Variants in PRSS12 observed in about 807,000 individuals in gnomAD.
PRSS12 encodes the protein neurotrypsin.
In PRSS12, 85 loss-of-function variants were observed where a neutral mutation model predicts 104.4. The observed-to-expected ratio is 0.81, with a 90% confidence interval of 0.68 to 0.98. The LOEUF (loss-of-function observed/expected upper bound fraction) is 0.98. Ranked by LOEUF, PRSS12 falls within the 50% of genes least tolerant of loss-of-function variation. The pLI is 0.00. For missense variants in PRSS12, 1,141 were observed against 1,139.2 expected (o/e 1.00, Z -0.02); for synonymous variants, 454 against 425.2 (o/e 1.07, Z -0.83).
At chr4:118,334,912 T>G (rs1431656020) in intron 3 of PRSS12, among the ~76,000 whole-genome samples, 2 of 152,154 alleles carry the variant, frequency 1.3e-5, no homozygotes, top group Non-Finnish European at 2.9e-5. Flanking sequence ...TCTACTTCCA[T>G]GAATATAAAC....
chr4:118,343,973 A>C (rs984532850), intron 1 of PRSS12, among the ~76,000 whole-genome samples: 4 of 152,212 alleles, frequency 2.6e-5, no homozygotes, highest in African/African-American at 7.2e-5. Context: ...TTTTCACACA[A>C]ATCCTTTCTT....
chr4:118,349,881 T>C (rs1724449487), intron 1 of PRSS12, among the ~76,000 whole-genome samples: 1 of 152,080 alleles, frequency 6.6e-6, no homozygotes. Flanking sequence ...CAGGTGCCTG[T>C]AATCCCAGTT....
At chr4:118,286,768 A>G (rs1264565705) in intron 11 of PRSS12, among the ~76,000 whole-genome samples, 1 of 152,162 alleles carries the variant, frequency 6.6e-6, no homozygotes, top group African/African-American at 2.4e-5. Flanking sequence ...AAATGTTTCT[A>G]TTTCCTATAA....
At chr4:118,323,739 G>C (rs926462231) in intron 4 of PRSS12, among the ~76,000 whole-genome samples, 2 of 151,412 alleles carry the variant, frequency 1.3e-5, no homozygotes, top group Admixed American at 1.3e-4. Flanking sequence ...AAACCAATAG[G>C]CTGGAAGAAA....
intron 4 of PRSS12, among the ~76,000 whole-genome samples, chr4:118,325,806 T>C (rs1439515641): frequency 6.6e-6 from 1 of 151,782 alleles, no homozygotes; most frequent in East Asian, 1.9e-4. Flanking sequence ...TAGTGTTGTC[T>C]AGTTTTTTAC....
intron 11 of PRSS12, among the ~76,000 whole-genome samples, chr4:118,290,031 T>C (rs1425342159): frequency 6.6e-6 from 1 of 152,154 alleles, no homozygotes; most frequent in Non-Finnish European, 1.5e-5. Context: ...CTTAAATAAT[T>C]CACTATCTGG....
At chr4:118,303,231 A>G (rs1743445306) in intron 8 of PRSS12, 1 of 152,110 alleles carries the variant, frequency 6.6e-6, no homozygotes, top group Non-Finnish European at 1.5e-5. Context: ...TGAATTAATC[A>G]TGAAAATCAA....
intron 1 of PRSS12, among the ~76,000 whole-genome samples, chr4:118,349,105 T>A (rs1340329880): frequency 6.6e-6 from 1 of 152,136 alleles, no homozygotes; most frequent in Non-Finnish European, 1.5e-5. Context: ...TTGGCTTCAA[T>A]CAACTCTTCA....
chr4:118,336,354 A>G (rs1724065222), intron 2 of PRSS12, among the ~76,000 whole-genome samples: 1 of 151,414 alleles, frequency 6.6e-6, no homozygotes, highest in Admixed American at 6.6e-5. Context: ...TAATCCACAT[A>G]TTTTTGTAAG....
chr4:118,338,559 G>C (rs1724118938), intron 1 of PRSS12, among the ~76,000 whole-genome samples: 1 of 152,062 alleles, frequency 6.6e-6, no homozygotes, highest in Non-Finnish European at 1.5e-5. Flanking sequence ...TAGGCAAACA[G>C]ACAGTCCTAT....
chr4:118,285,665 A>C (rs558192549), intron 11 of PRSS12, among the ~76,000 whole-genome samples: 143 of 147,460 alleles, frequency 9.7e-4, no homozygotes, highest in Non-Finnish European at 1.8e-3. Flanking sequence ...CTTAGTATGA[A>C]AAAAAAACTA....
At chr4:118,343,776 C>G (rs1007934273) in intron 1 of PRSS12, among the ~76,000 whole-genome samples, 1 of 152,098 alleles carries the variant, frequency 6.6e-6, no homozygotes, top group African/African-American at 2.4e-5. Context: ...GCATGCCTGC[C>G]TATTTAGTTA....
At chr4:118,341,380 A>G (rs916716755) in intron 1 of PRSS12, among the ~76,000 whole-genome samples, 1 of 152,150 alleles carries the variant, frequency 6.6e-6, no homozygotes, top group Admixed American at 6.5e-5. Context: ...GGTGGTCCAG[A>G]TCTTAAAAAC....
At chr4:118,282,548 T>C (rs1273043834) in intron 12 of PRSS12, among the ~76,000 whole-genome samples, 1 of 152,236 alleles carries the variant, frequency 6.6e-6, no homozygotes, top group Non-Finnish European at 1.5e-5. Context: ...GAATTCTGTA[T>C]ATTAAAAAGC....
intron 8 of PRSS12, among the ~76,000 whole-genome samples, chr4:118,305,118 TATAC>T (rs972956199): frequency 1.5e-4 from 22 of 148,232 alleles, no homozygotes; most frequent in African/African-American, 2.9e-4. Context: ...TATATATATA[TATAC>T]ACACACACAC....
chr4:118,281,940 A>G lies in PRSS12; in HGVS notation c.2624T>C (p.Leu875Pro), dbSNP rs1742870296. The change falls in exon 13 of 13, where the codon CTG (leucine) becomes CCG (proline). Residue 875 changes from leucine to proline, a missense_variant. Coordinates refer to ENST00000296498, the MANE Select transcript of PRSS12 (RefSeq NM_003619.4). The stretch of plus-strand genomic sequence containing the variant: ...CTTTGAAGTTTCCATGAAGAATTAC[A>G]GTTTGGTGACACTTTTTATCCAAGG... ...FVPWIKSVTK[L>P] The G allele has an allele frequency of 1.6e-6, 2 of 1,242,178 alleles. No homozygotes were observed. Among genetic ancestry groups the G allele is most frequent in the Non-Finnish European group, 2.4e-6 (2 of 839,840 alleles). 76.9% of individuals were successfully genotyped at this position (1,242,178 alleles called of 1,614,324 possible).
rs1578907744 is a variant in PRSS12, at chr4:118,298,841, C to A, written c.1729G>T (p.Ala577Ser). 14 of 1,614,148 alleles carry A rather than the reference C, an allele frequency of 8.7e-6. No homozygotes were observed. Among genetic ancestry groups the A allele is most frequent in the Non-Finnish European group, 1.0e-5 (12 of 1,180,016 alleles). Residue 577 changes from alanine (A) to serine (S), a missense_variant, in exon 9 of 13, where the codon GCT (alanine) becomes TCT (serine). Transcript: ENST00000296498. ...VKCTGNERSL[A>S]DCIKQDIGRH... Reference sequence around the variant, plus strand: ...CCAATATCTTGCTTGATACAGTCAGCCAAGGACCTCTCATTTCCTGTGCAC... The same window carrying A: ...CCAATATCTTGCTTGATACAGTCAGACAAGGACCTCTCATTTCCTGTGCAC...
intron 8 of PRSS12, among the ~76,000 whole-genome samples, chr4:118,307,091 G>T (rs1743576338): frequency 6.6e-6 from 1 of 152,042 alleles, no homozygotes; most frequent in Non-Finnish European, 1.5e-5. Flanking sequence ...GGAAAAAGGA[G>T]TGATAGAAAC....
intron 4 of PRSS12, among the ~76,000 whole-genome samples, chr4:118,319,085 AGTCTCACTCT>A (rs1723536501): frequency 6.6e-6 from 1 of 152,152 alleles, no homozygotes; most frequent in African/African-American, 2.4e-5. Flanking sequence ...TTTGAGTCAT[AGTCTCACTCT>A]GTCACCCAGG....
Sources: gnomAD v4.1 joint callset for allele counts (sites outside exome capture counted in the v4.1 genomes callset) on GRCh38, gnomAD v4.1.1 for gene constraint, MANE v1.5 for transcripts, NCBI Gene and HGNC (gene_info 2026-07-23, HGNC 2026-07-21) for gene names.